The following EEF2K variants were observed in gnomAD, a reference collection of about 807,000 sequenced individuals.
EEF2K encodes the protein eukaryotic elongation factor 2 kinase.
Under a neutral mutation model 93.8 loss-of-function variants are expected in EEF2K, and 70 were observed. The ratio of observed to expected loss-of-function variants is 0.75; its 90% CI spans 0.62 to 0.91. EEF2K has a LOEUF of 0.91. Ranked by LOEUF, EEF2K falls within the 40% of genes least tolerant of loss-of-function variation. EEF2K has a pLI of 0.00. For synonymous variants in EEF2K, 376 were observed against 380.8 expected (o/e 0.99, Z 0.15); for missense variants, 935 against 972.9 (o/e 0.96, Z 0.52).
At chr16:22,245,093 C>T (rs2047273667) in intron 3 of EEF2K, among the ~76,000 whole-genome samples, 1 of 152,046 alleles carries the variant, frequency 6.6e-6, no homozygotes, top group Non-Finnish European at 1.5e-5. Flanking sequence ...GAAACCCCAT[C>T]TCTACTAAAA....
Position 22,258,508 on chromosome 16 carries a change from C to A in EEF2K, c.1044C>A (p.Thr348=), listed in dbSNP as rs200099793. 2.8e-5 allele frequency: 45 copies of A among 1,614,000 alleles called. No individual in the cohort carries two copies. The East Asian group carries it at 8.9e-4, about 32-fold the overall frequency. ...QNTKLLQSAK[T]ILRGTEEKCG... ...AATGTCCCTAGCAATCAGCCAAGAC[C>A]ATCTTGAGAGGAACAGAGGAAAAAT... The change falls in exon 10 of 18, where the codon ACC becomes ACA. Residue 348 remains threonine, a synonymous_variant. Transcript: ENST00000263026.
chr16:22,225,218 T>C (rs958860824), intron 1 of EEF2K, among the ~76,000 whole-genome samples: 3 of 152,134 alleles, frequency 2.0e-5, no homozygotes, highest in African/African-American at 7.2e-5. Context: ...AAACCCAGTG[T>C]ACCTGGAGAG....
rs2047522175 is a variant in EEF2K at position 22,266,619 on chromosome 16, G to C, written c.1576-69G>C. On this transcript the variant is annotated intron_variant, in intron 14 of 17. Coordinates refer to ENST00000263026, the MANE Select transcript of EEF2K (RefSeq NM_013302.5). ...CGCTAATCACTTCCTCCCGCAGGCT[G>C]GCTGGGCGGTCTTGGGTGCGGCTTT... is the stretch of plus-strand genomic sequence containing the variant. The C allele has an allele frequency of 5.7e-6, 9 of 1,587,948 alleles. No individual in the cohort carries two copies. In the South Asian group the frequency reaches 1.0e-4, roughly 18 times the overall value.
intron 15 of EEF2K, among the ~76,000 whole-genome samples, chr16:22,268,036 C>T (rs2047542025): frequency 6.6e-6 from 1 of 152,154 alleles, no homozygotes; most frequent in South Asian, 2.1e-4. Context: ...ATCAGCTCTC[C>T]TTGACGGGTT....
At chr16:22,248,608 C>T in intron 3 of EEF2K, 147 bp from the exon 4 acceptor site, 1 of 810,236 alleles carries the variant, frequency 1.2e-6, no homozygotes, top group Non-Finnish European at 2.0e-6. Flanking sequence ...CAACCCAACC[C>T]AGGAGGTTGG....
chr16:22,232,630 CTTTG>C (rs934946289), intron 2 of EEF2K, among the ~76,000 whole-genome samples: 2 of 152,130 alleles, frequency 1.3e-5, no homozygotes, highest in African/African-American at 4.8e-5. Context: ...CAGTGTCGTT[CTTTG>C]TTTGAGTCAG....
intron 1 of EEF2K, among the ~76,000 whole-genome samples, chr16:22,223,795 A>G (rs937621843): frequency 6.6e-6 from 1 of 152,286 alleles, no homozygotes; most frequent in Admixed American, 6.5e-5. Context: ...TCCCCTTTCT[A>G]ACAGTCACGG....
At chr16:22,248,373 A>G (rs1238203901) in intron 3 of EEF2K, among the ~76,000 whole-genome samples, 3 of 151,890 alleles carry the variant, frequency 2.0e-5, no homozygotes, top group Non-Finnish European at 4.4e-5. Flanking sequence ...ATGTATATTT[A>G]TTAAGCATCC....
intron 14 of EEF2K, 53 bp downstream of exon 14, chr16:22,266,577 A>G (rs1380857392): frequency 1.2e-6 from 2 of 1,605,852 alleles, no homozygotes; most frequent in East Asian, 2.2e-5. Flanking sequence ...GGAGCCCCCC[A>G]GCTCCAGCCT....
At chr16:22,243,761 AAAAGTAC>A (rs2047250320) in intron 2 of EEF2K, among the ~76,000 whole-genome samples, 1 of 150,104 alleles carries the variant, frequency 6.7e-6, no homozygotes, top group Non-Finnish European at 1.5e-5. Context: ...GTCTCTACCA[AAAAGTAC>A]AAAAATTAGC....
chr16:22,264,570 C>T (rs2047498651), intron 12 of EEF2K, among the ~76,000 whole-genome samples: 1 of 152,196 alleles, frequency 6.6e-6, no homozygotes, highest in Non-Finnish European at 1.5e-5. Flanking sequence ...CACCTGCTCA[C>T]ACACGGAGGG....
chr16:22,282,140 G>A (rs1478631124), intron 17 of EEF2K, among the ~76,000 whole-genome samples: 1 of 152,130 alleles, frequency 6.6e-6, no homozygotes, highest in Non-Finnish European at 1.5e-5. Context: ...GGCACACTCA[G>A]TGAGCTATGA....
At chr16:22,251,439 A>T in intron 6 of EEF2K, 117 bp downstream of exon 6, 1 of 1,284,724 alleles carries the variant, frequency 7.8e-7, no homozygotes. Context: ...TTTGAGATGA[A>T]GTCTTGCTCT....
intron 2 of EEF2K, among the ~76,000 whole-genome samples, chr16:22,243,819 A>G (rs958953038): frequency 1.3e-5 from 2 of 149,996 alleles, no homozygotes; most frequent in Non-Finnish European, 3.0e-5. Flanking sequence ...GCTACTCCCA[A>G]GGCTGAGGTG....
chr16:22,276,656 G>A (rs559889969), intron 16 of EEF2K, among the ~76,000 whole-genome samples: 35 of 152,292 alleles, frequency 2.3e-4, no homozygotes, highest in Non-Finnish European at 4.0e-4. Flanking sequence ...AGGGGTCAGC[G>A]ATTAGGCCTT....
chr16:22,277,288 C>G (rs960335260), intron 16 of EEF2K, among the ~76,000 whole-genome samples: 1 of 152,116 alleles, frequency 6.6e-6, no homozygotes, highest in Non-Finnish European at 1.5e-5. Flanking sequence ...AGCCATGCAC[C>G]ACCATACCCA....
intron 17 of EEF2K, among the ~76,000 whole-genome samples, chr16:22,283,586 A>G (rs1451470489): frequency 2.0e-5 from 3 of 152,152 alleles, no homozygotes; most frequent in Admixed American, 1.3e-4. Context: ...AAACTCAATC[A>G]TCTACATACC....
chr16:22,258,714 CCTAG>C lies in EEF2K; in HGVS notation c.1231+20_1231+23del. ...CACCTCCGTGAGTGACGGTTCGGTC[CCTAG>C]TCACTGTGATTGGAGGGGACAGGTG... On this transcript the variant is annotated intron_variant, in intron 10 of 17. Coordinates refer to ENST00000263026, the MANE Select transcript of EEF2K (RefSeq NM_013302.5). 1 of 1,613,824 alleles carries C rather than the reference CCTAG, an allele frequency of 6.2e-7. No individual in the cohort carries two copies. Among genetic ancestry groups the C allele is most frequent in the Non-Finnish European group, 8.5e-7 (1 of 1,179,960 alleles).
At position 22,226,812 on chromosome 16, in the gene EEF2K, A is replaced by T. The variant is rs117775321; in HGVS notation, c.246+837A>T. Among the ~76,000 whole-genome samples, 33 of 152,312 alleles carry T rather than the reference A, an allele frequency of 2.2e-4. No individual in the cohort carries two copies. In the East Asian group the frequency reaches 6.2e-3, roughly 28 times the overall value. On this transcript the variant is annotated intron_variant, in intron 2 of 17. Transcript: ENST00000263026. ...AATTTTAGGTCAGGCGTGGTGTCTC[A>T]CACCTGTGATGCCAGCACTTTGAGA...
Sources: allele counts gnomAD v4.1 joint callset (sites outside exome capture counted in the v4.1 genomes callset), GRCh38; gene constraint gnomAD v4.1.1; transcripts MANE v1.5; gene names NCBI Gene and HGNC (gene_info 2026-07-23, HGNC 2026-07-21).